CNGA1: variants seen among roughly 807,000 people sequenced by gnomAD.
The protein encoded by CNGA1 is cyclic nucleotide-gated channel alpha-1.
CNGA1 carries 53 observed loss-of-function variants against 69.7 expected under a neutral mutation model. The ratio of observed to expected loss-of-function variants is 0.76; its 90% CI spans 0.61 to 0.96. CNGA1 has a LOEUF of 0.96. Among genes scored for constraint, CNGA1 ranks in the 40% least tolerant of loss-of-function variants. The pLI, the probability that CNGA1 is intolerant of heterozygous loss-of-function variation, is 0.00. For missense variants in CNGA1, 739 were observed against 811.2 expected (o/e 0.91, Z 1.08); for synonymous variants, 249 against 283.5 (o/e 0.88, Z 1.22).
intron 3 of CNGA1, among the ~76,000 whole-genome samples, chr4:47,958,237 C>A (rs1740213541): frequency 6.6e-6 from 1 of 152,116 alleles, no homozygotes; most frequent in African/African-American, 2.4e-5. Flanking sequence ...TTTGCTCATG[C>A]TGTTCATTTT....
At chr4:48,012,558 C>CTTTTTTTTTTTTTTTTTTTTT (rs528643370) in intron 1 of CNGA1, among the ~76,000 whole-genome samples, 1 of 64,954 alleles carries the variant, frequency 1.5e-5, no homozygotes, top group African/African-American at 6.6e-5. Flanking sequence ...ACCACACCAT[C>CTTTTTTTTTTTTTTTTTTTTT]TTTTTTTTTT....
At chr4:47,962,115 G>T (rs1740473585) in intron 3 of CNGA1, among the ~76,000 whole-genome samples, 1 of 152,134 alleles carries the variant, frequency 6.6e-6, no homozygotes, top group African/African-American at 2.4e-5. Flanking sequence ...GGAGGCCAAG[G>T]CGGGTGGATC....
At chr4:48,004,563 C>T (rs564665615) in intron 2 of CNGA1, among the ~76,000 whole-genome samples, 1 of 152,230 alleles carries the variant, frequency 6.6e-6, no homozygotes, top group Non-Finnish European at 1.5e-5. Context: ...TGGTTTATTC[C>T]TAGATGGGTA....
At chr4:47,952,308 C>T (rs1229306516) in intron 4 of CNGA1, among the ~76,000 whole-genome samples, 1 of 151,976 alleles carries the variant, frequency 6.6e-6, no homozygotes, top group East Asian at 1.9e-4. Context: ...GCAGAGGTTG[C>T]AGTGAGCTGA....
At chr4:47,969,886 G>A (rs1301202397) in intron 3 of CNGA1, among the ~76,000 whole-genome samples, 1 of 152,164 alleles carries the variant, frequency 6.6e-6, no homozygotes, top group African/African-American at 2.4e-5. Flanking sequence ...GCCACAGGAA[G>A]TGTACTCAAT....
At chr4:47,965,811 A>G (rs997793919) in intron 3 of CNGA1, among the ~76,000 whole-genome samples, 1 of 152,050 alleles carries the variant, frequency 6.6e-6, no homozygotes, top group Non-Finnish European at 1.5e-5. Context: ...TTAAAGGTAA[A>G]ATTACTCTGT....
intron 2 of CNGA1, among the ~76,000 whole-genome samples, chr4:47,989,504 A>T (rs763464246): frequency 9.2e-5 from 14 of 152,118 alleles, no homozygotes; most frequent in Non-Finnish European, 1.6e-4. Flanking sequence ...CCCCCTCATA[A>T]ATTACTAACC....
intron 2 of CNGA1, among the ~76,000 whole-genome samples, chr4:48,005,807 G>A (rs980523635): frequency 4.6e-5 from 7 of 152,094 alleles, no homozygotes; most frequent in East Asian, 1.9e-4. Flanking sequence ...AAAGAGCCTC[G>A]GTAAAGTAAC....
At chr4:47,988,531 T>A (rs1742089681) in intron 2 of CNGA1, among the ~76,000 whole-genome samples, 3 of 151,868 alleles carry the variant, frequency 2.0e-5, no homozygotes, top group Admixed American at 2.0e-4. Flanking sequence ...GAGGAAAAAA[T>A]AATAATAATG....
At position 48,016,492 on chromosome 4, in the gene CNGA1, C is replaced by T. The variant is rs1577618781; in HGVS notation, c.-232G>A. 1.1e-5 allele frequency: 4 copies of T among 348,438 alleles called. No homozygotes were observed. The East Asian group carries it at 2.4e-4, about 21-fold the overall frequency. The allele number at this position is 348,438 out of a possible 1,614,324, so 21.6% of individuals were successfully genotyped here. ...CAATTCCCGGAGTTACCTTGGCGGGCTCCACGCTCCGAGAGACGCTGTTGC... is the reference window on the plus strand; with the variant it reads ...CAATTCCCGGAGTTACCTTGGCGGGTTCCACGCTCCGAGAGACGCTGTTGC... On this transcript the variant is annotated 5_prime_UTR_variant, in exon 1 of 11. Coordinates refer to ENST00000514170, the MANE Select transcript of CNGA1 (RefSeq NM_001379270.1).
chr4:47,998,880 T>C (rs1042784688), intron 2 of CNGA1, among the ~76,000 whole-genome samples: 4 of 152,224 alleles, frequency 2.6e-5, no homozygotes, highest in African/African-American at 4.8e-5. Flanking sequence ...TACCCCCTTA[T>C]TTGTGGTTTT....
Position 47,996,796 on chromosome 4 carries a change from A to T in CNGA1, c.-123+13998T>A, listed in dbSNP as rs561691425. Among the ~76,000 whole-genome samples the T allele has an allele frequency of 3.9e-5, 6 of 152,266 alleles. No homozygotes were observed. The South Asian group carries it at 1.2e-3, about 32-fold the overall frequency. On this transcript the variant is annotated intron_variant, in intron 2 of 10. Coordinates refer to ENST00000514170, the MANE Select transcript of CNGA1 (RefSeq NM_001379270.1). ...TTTTAGGGGCTGGGCACAGTGACTC[A>T]TGCCTGTAATCCTAGCACTTTGGGA... is the stretch of plus-strand genomic sequence containing the variant.
intron 9 of CNGA1, among the ~76,000 whole-genome samples, chr4:47,941,297 A>T (rs1338751347): frequency 6.6e-6 from 1 of 152,188 alleles, no homozygotes; most frequent in African/African-American, 2.4e-5. Flanking sequence ...CATGTACCCG[A>T]TAAATTTGTA....
chr4:48,010,683 A>AATG (rs1715115819), intron 2 of CNGA1, 111 bp downstream of exon 2: 1 of 153,442 alleles, frequency 6.5e-6, no homozygotes, highest in Non-Finnish European at 1.4e-5. Flanking sequence ...ACTAGTGTTC[A>AATG]GCTCGATTAG....
chr4:48,004,630 A>G (rs1018659482), intron 2 of CNGA1, among the ~76,000 whole-genome samples: 2 of 152,164 alleles, frequency 1.3e-5, no homozygotes, highest in African/African-American at 4.8e-5. Context: ...CTCATGTCCT[A>G]TAAAGAGAAA....
Position 47,937,831 on chromosome 4 carries a change from T to G in CNGA1, c.653-2A>C, listed in dbSNP as rs1349683532. 1 of 1,598,192 alleles carries G rather than the reference T, an allele frequency of 6.3e-7. No homozygotes were observed. Among genetic ancestry groups the G allele is most frequent in the Non-Finnish European group, 8.6e-7 (1 of 1,166,316 alleles). On this transcript the variant is annotated splice_acceptor_variant, in intron 10 of 10. Coordinates refer to ENST00000514170, the MANE Select transcript of CNGA1 (RefSeq NM_001379270.1). LOFTEE classifies it high-confidence loss of function. Reference sequence around the variant, plus strand: ...CCAGCAGTCCTTGTTCTAGGTAACCTAAAATAGAAAATAAAATCAATTCAG... The same window carrying G: ...CCAGCAGTCCTTGTTCTAGGTAACCGAAAATAGAAAATAAAATCAATTCAG...
intron 2 of CNGA1, among the ~76,000 whole-genome samples, chr4:48,009,842 C>CT (rs1454269043): frequency 6.6e-6 from 1 of 151,998 alleles, no homozygotes; most frequent in South Asian, 2.1e-4. Flanking sequence ...CTAGTCTTCC[C>CT]TTTTTTTTAA....
intron 1 of CNGA1, among the ~76,000 whole-genome samples, chr4:48,015,950 G>A (rs1715357273): frequency 6.6e-6 from 1 of 152,138 alleles, no homozygotes; most frequent in African/African-American, 2.4e-5. Context: ...ACCTTGGTTT[G>A]GTTACTTAAC....
At position 47,936,815 on chromosome 4, in the gene CNGA1, C is replaced by T. The variant is rs867972995; in HGVS notation, c.1667G>A (p.Arg556Gln). ...LNIKGSKAGNRRTANIKSIGY... is the reference protein window; with the variant it reads ...LNIKGSKAGNQRTANIKSIGY... ...AATACTTTTAATATTGGCCGTTCTT[C>T]GATTGCCAGCTTTGCTCCCTTTAAT... The change falls in exon 11 of 11, where the codon CGA (arginine) becomes CAA (glutamine). Residue 556 changes from arginine (R) to glutamine (Q), a missense_variant. Coordinates refer to ENST00000514170, the MANE Select transcript of CNGA1 (RefSeq NM_001379270.1). 4.3e-6 allele frequency: 7 copies of T among 1,614,116 alleles called. No homozygotes were observed. Among genetic ancestry groups the T allele is most frequent in the East Asian group, 4.5e-5 (2 of 44,882 alleles).
Sources: allele counts gnomAD v4.1 joint callset (sites outside exome capture counted in the v4.1 genomes callset), GRCh38; gene constraint gnomAD v4.1.1; transcripts MANE v1.5; gene names NCBI Gene and HGNC (gene_info 2026-07-23, HGNC 2026-07-21).